The following ZNF385D variants were observed in gnomAD, a reference collection of about 807,000 sequenced individuals.
ZNF385D encodes the protein zinc finger protein 659.
In ZNF385D, 15 loss-of-function variants were observed where a neutral mutation model predicts 35.8. The ratio of observed to expected loss-of-function variants is 0.42; its 90% CI spans 0.28 to 0.64. The LOEUF (loss-of-function observed/expected upper bound fraction) is 0.64. Ranked by LOEUF, ZNF385D falls within the 30% of genes least tolerant of loss-of-function variation. The probability of loss-of-function intolerance (pLI) is 0.23; values close to 1 mark genes in which losing one functional copy is unlikely to be tolerated. For synonymous variants in ZNF385D, 212 were observed against 186.8 expected (o/e 1.13, Z -1.10); for missense variants, 474 against 494.6 (o/e 0.96, Z 0.39).
At chr3:21,846,714 C>T (rs1241632250) in intron 3 of ZNF385D, among the ~76,000 whole-genome samples, 1 of 151,872 alleles carries the variant, frequency 6.6e-6, no homozygotes, top group South Asian at 2.1e-4. Context: ...CAGCACAAGC[C>T]CTAGCTTTAG....
intron 3 of ZNF385D, among the ~76,000 whole-genome samples, chr3:21,801,681 T>C (rs1426776235): frequency 2.6e-5 from 4 of 152,170 alleles, no homozygotes; most frequent in African/African-American, 9.7e-5. Context: ...CTCACGCAGC[T>C]GATATGGCTT....
chr3:21,892,560 C>G (rs1698923878), intron 3 of ZNF385D, among the ~76,000 whole-genome samples: 1 of 152,108 alleles, frequency 6.6e-6, no homozygotes, highest in African/African-American at 2.4e-5. Context: ...TCTCAAAATA[C>G]ACTTGAAGAA....
intron 4 of ZNF385D, among the ~76,000 whole-genome samples, chr3:21,457,346 C>CGTTGTT (rs34762256): frequency 0.053 from 7,960 of 150,696 alleles, 226 homozygotes; most frequent in African/African-American, 0.075. Flanking sequence ...TTGTTGTTGT[C>CGTTGTT]GTTGTTGTTG....
chr3:22,163,152 G>A (rs1158155513), intron 3 of ZNF385D, among the ~76,000 whole-genome samples: 2 of 152,122 alleles, frequency 1.3e-5, no homozygotes, highest in South Asian at 2.1e-4. Flanking sequence ...GAGCTCAGAG[G>A]AGGTAGTTCC....
At chr3:21,711,337 G>A (rs1211263202) in intron 1 of ZNF385D, among the ~76,000 whole-genome samples, 3 of 151,918 alleles carry the variant, frequency 2.0e-5, no homozygotes, top group Non-Finnish European at 2.9e-5. Context: ...CACCGCGCCC[G>A]GCCGCCAAAA....
chr3:22,030,930 G>C (rs73137166), intron 3 of ZNF385D, among the ~76,000 whole-genome samples: 13,076 of 152,236 alleles, frequency 0.086, 607 homozygotes, highest in East Asian at 0.16. Context: ...CCAAATGAAA[G>C]AGATTGGTCA....
intron 1 of ZNF385D, among the ~76,000 whole-genome samples, chr3:21,729,097 T>C (rs2068887068): frequency 6.6e-6 from 1 of 152,056 alleles, no homozygotes; most frequent in Non-Finnish European, 1.5e-5. Context: ...GAAATAAAAA[T>C]CTTATTTCAT....
intron 3 of ZNF385D, among the ~76,000 whole-genome samples, chr3:22,041,429 G>C (rs374443034): frequency 6.6e-6 from 1 of 152,104 alleles, no homozygotes; most frequent in African/African-American, 2.4e-5. Context: ...AAATCATTAA[G>C]CAAAGTGTTA....
At chr3:21,731,932 C>T (rs2069017309) in intron 1 of ZNF385D, among the ~76,000 whole-genome samples, 1 of 149,992 alleles carries the variant, frequency 6.7e-6, no homozygotes, top group Non-Finnish European at 1.5e-5. Context: ...AGATATACCA[C>T]AGTAAATCCA....
intron 2 of ZNF385D, among the ~76,000 whole-genome samples, chr3:22,303,128 C>T (rs1220913446): frequency 1.3e-5 from 2 of 152,120 alleles, no homozygotes; most frequent in Non-Finnish European, 2.9e-5. Context: ...ATCTCCATTC[C>T]ATTGTTCAAT....
intron 2 of ZNF385D, among the ~76,000 whole-genome samples, chr3:22,213,617 C>T (rs527772378): frequency 2.6e-5 from 4 of 152,064 alleles, no homozygotes; most frequent in African/African-American, 9.6e-5. Context: ...TTCTAATGTA[C>T]CACTTAACTA....
intron 3 of ZNF385D, among the ~76,000 whole-genome samples, chr3:21,991,450 A>G (rs1276258917): frequency 1.3e-5 from 2 of 152,332 alleles, no homozygotes; most frequent in East Asian, 3.9e-4. Flanking sequence ...CATTTGGGGT[A>G]TGTATGTGTG....
chr3:21,825,818 T>A (rs943560580), intron 3 of ZNF385D, among the ~76,000 whole-genome samples: 1 of 152,192 alleles, frequency 6.6e-6, no homozygotes, highest in Admixed American at 6.5e-5. Context: ...GTCCCTCGCT[T>A]GTTAGGAACC....
At chr3:21,803,031 A>T (rs953312277) in intron 3 of ZNF385D, among the ~76,000 whole-genome samples, 2 of 152,160 alleles carry the variant, frequency 1.3e-5, no homozygotes, top group Non-Finnish European at 2.9e-5. Flanking sequence ...TGGGATTTTA[A>T]TTATGTTAAG....
In ZNF385D at chr3:21,714,297, A is replaced by T. The variant is rs77008978; in HGVS notation, c.22+36598T>A. 4.5e-3 allele frequency among the ~76,000 whole-genome samples: 678 copies of T among 152,226 alleles called. 15 individuals are homozygous for T. In the East Asian group the frequency reaches 0.058, roughly 13 times the overall value. ...TTCATTCACTTTCCTGCTTCCCTAG[A>T]CTAAGTTATTTCATAAGTCTTTTAT... On this transcript the variant is annotated intron_variant, in intron 1 of 7. Transcript: ENST00000281523.
At chr3:21,882,780 T>C (rs1286822228) in intron 3 of ZNF385D, among the ~76,000 whole-genome samples, 1 of 152,046 alleles carries the variant, frequency 6.6e-6, no homozygotes, top group Non-Finnish European at 1.5e-5. Context: ...CATGAGCAGT[T>C]GCAACACAGT....
intron 3 of ZNF385D, among the ~76,000 whole-genome samples, chr3:22,069,313 A>G (rs951970623): frequency 5.3e-5 from 8 of 152,162 alleles, no homozygotes; most frequent in Non-Finnish European, 8.8e-5. Flanking sequence ...ATCTCTCACC[A>G]ATGACCAAAC....
intron 3 of ZNF385D, among the ~76,000 whole-genome samples, chr3:22,103,615 C>T (rs1702053233): frequency 6.6e-6 from 1 of 152,076 alleles, no homozygotes; most frequent in East Asian, 1.9e-4. Flanking sequence ...TCTGAGTGAC[C>T]AACAAAATGA....
chr3:21,593,847 G>A (rs1008673249), intron 2 of ZNF385D, among the ~76,000 whole-genome samples: 2 of 151,922 alleles, frequency 1.3e-5, no homozygotes, highest in African/African-American at 4.8e-5. Context: ...TCTTGGGGAG[G>A]CAAAAGAAGT....
Sources: allele counts gnomAD v4.1 joint callset (sites outside exome capture counted in the v4.1 genomes callset), GRCh38; gene constraint gnomAD v4.1.1; transcripts MANE v1.5; gene names NCBI Gene and HGNC (gene_info 2026-07-23, HGNC 2026-07-21).